The following CNTNAP4 variants were observed in gnomAD, a reference collection of about 807,000 sequenced individuals.
CNTNAP4 encodes contactin associated protein family member 4, also known as contactin-associated protein-like 4.
CNTNAP4 carries 98 observed loss-of-function variants against 148.4 expected under a neutral mutation model. The ratio of observed to expected loss-of-function variants is 0.66; its 90% CI spans 0.56 to 0.78. CNTNAP4 has a LOEUF of 0.78. CNTNAP4 is among the 30% of genes least tolerant of loss of function. The pLI is 0.00. For synonymous variants in CNTNAP4, 730 were observed against 565.1 expected, an observed-to-expected ratio of 1.29 and a Z score of -4.14; for missense variants, 1,935 against 1,565.6, an observed-to-expected ratio of 1.24 and a Z score of -3.98.
rs537053655 is a variant in CNTNAP4 at position 76,398,724 on chromosome 16, A to C, written c.391-28728A>C. 1.8e-4 allele frequency among the ~76,000 whole-genome samples: 27 copies of C among 152,184 alleles called. 1 individual carries two copies. Among genetic ancestry groups the C allele is most frequent in the Admixed American group, 1.3e-4 (2 of 15,268 alleles). On this transcript the variant is annotated intron_variant, in intron 3 of 23. Transcript: ENST00000611870. ...CACATTTGTGCCAACACATGATACTATCCAACTTTCTGATTTTGACAGCTT... is the reference window on the plus strand; with the variant it reads ...CACATTTGTGCCAACACATGATACTCTCCAACTTTCTGATTTTGACAGCTT...
intron 4 of CNTNAP4, among the ~76,000 whole-genome samples, chr16:76,433,596 A>G (rs1017750156): frequency 6.6e-6 from 1 of 152,188 alleles, no homozygotes; most frequent in South Asian, 2.1e-4. Context: ...ACAGACATTT[A>G]CCTGGGTGAG....
chr16:76,435,928 A>G (rs948293489), intron 4 of CNTNAP4, among the ~76,000 whole-genome samples: 3 of 152,096 alleles, frequency 2.0e-5, no homozygotes, highest in Admixed American at 1.3e-4. Context: ...CACCCTTAAT[A>G]TCCATTCCCA....
At chr16:76,472,971 T>A (rs2081427391) in intron 10 of CNTNAP4, among the ~76,000 whole-genome samples, 1 of 152,002 alleles carries the variant, frequency 6.6e-6, no homozygotes, top group South Asian at 2.1e-4. Flanking sequence ...AGTTAAAAAA[T>A]AAAAAGACAT....
intron 17 of CNTNAP4, among the ~76,000 whole-genome samples, chr16:76,533,594 C>T (rs991742087): frequency 5.3e-5 from 8 of 151,604 alleles, no homozygotes; most frequent in Non-Finnish European, 1.0e-4. Flanking sequence ...TAAATATGAA[C>T]AATTATTATG....
At position 76,462,010 on chromosome 16, in the gene CNTNAP4, A is replaced by G. The variant is rs1302477987; in HGVS notation, c.1388A>G (p.Asn463Ser). Reference sequence around the variant, plus strand: ...TCTGTCTCTTTATCTGCTAAAAAGAATCACTTGAGTGTGGCGGTGGACGGC... The same window carrying G: ...TCTGTCTCTTTATCTGCTAAAAAGAGTCACTTGAGTGTGGCGGTGGACGGC... ...WHSVSLSAKK[N>S]HLSVAVDGQM... The change falls in exon 9 of 24, where the codon AAT becomes AGT. Residue 463 changes from asparagine (N) to serine (S), a missense_variant. Coordinates refer to ENST00000611870, the MANE Select transcript of CNTNAP4 (RefSeq NM_033401.5). 6.2e-7 allele frequency: 1 copy of G among 1,613,858 alleles called. No individual in the cohort carries two copies. The highest frequency in any genetic ancestry group is 2.2e-5 in the East Asian group (1 of 44,868).
intron 2 of CNTNAP4, among the ~76,000 whole-genome samples, chr16:76,326,512 G>A (rs575110006): frequency 2.6e-5 from 4 of 152,142 alleles, no homozygotes; most frequent in East Asian, 3.9e-4. Context: ...TGTTTATTGC[G>A]GCACTATTCA....
chr16:76,338,047 G>A (rs889250919), intron 2 of CNTNAP4, among the ~76,000 whole-genome samples: 3 of 152,116 alleles, frequency 2.0e-5, no homozygotes, highest in Admixed American at 2.0e-4. Flanking sequence ...AGGATCCTGA[G>A]GTGACATACA....
chr16:76,471,200 GAGGGGTGGCGA>G (rs1340025910), intron 10 of CNTNAP4, among the ~76,000 whole-genome samples: 1 of 152,158 alleles, frequency 6.6e-6, no homozygotes, highest in Non-Finnish European at 1.5e-5. Flanking sequence ...GGACTTCGGA[GAGGGGTGGCGA>G]AGGGGTGAGT....
Position 76,448,189 on chromosome 16 carries a change from C to G in CNTNAP4, c.716C>G (p.Ala239Gly), listed in dbSNP as rs34947321. Residue 239 changes from alanine to glycine, a missense_variant, in exon 5 of 24, where the codon GCA becomes GGA. Ala to Gly is a moderately conservative substitution (Grantham distance 60). Transcript: ENST00000611870. The part of the protein sequence containing the change: ...GDHITLQLRR[A>G]RLFLLINSGE... ...CACATCACACTGCAATTAAGAAGAG[C>G]AAGACTCTTTTTACTTATTAATTCA... is the stretch of plus-strand genomic sequence containing the variant. 8.8e-4 allele frequency: 1,424 copies of G among 1,612,194 alleles called. 11 individuals carry two copies. In the African/African-American group the frequency reaches 0.017, roughly 19 times the overall value.
At chr16:76,288,441 G>T (rs1958977391) in intron 1 of CNTNAP4, among the ~76,000 whole-genome samples, 2 of 152,012 alleles carry the variant, frequency 1.3e-5, no homozygotes, top group African/African-American at 4.8e-5. Context: ...TGCATCTGTT[G>T]TTCCCTTTGC....
At chr16:76,492,605 C>A (rs1039952729) in intron 13 of CNTNAP4, among the ~76,000 whole-genome samples, 2 of 152,114 alleles carry the variant, frequency 1.3e-5, no homozygotes, top group African/African-American at 4.8e-5. Context: ...GTGTCAAGGG[C>A]GGGGCCAGAT....
At chr16:76,477,959 C>T (rs543442232) in intron 11 of CNTNAP4, among the ~76,000 whole-genome samples, 1 of 152,274 alleles carries the variant, frequency 6.6e-6, no homozygotes, top group South Asian at 2.1e-4. Flanking sequence ...TTATTAGGTT[C>T]TTGAAAAGAC....
chr16:76,433,495 A>G (rs2079693001), intron 4 of CNTNAP4, among the ~76,000 whole-genome samples: 2 of 152,316 alleles, frequency 1.3e-5, no homozygotes, highest in South Asian at 2.1e-4. Flanking sequence ...ATTTTTTTAC[A>G]TAATAAACTA....
At chr16:76,397,342 C>T (rs2078238489) in intron 3 of CNTNAP4, among the ~76,000 whole-genome samples, 1 of 151,722 alleles carries the variant, frequency 6.6e-6, no homozygotes, top group Non-Finnish European at 1.5e-5. Context: ...CCCCGAGCTA[C>T]CAATGTCAGG....
At chr16:76,428,480 G>A (rs920376059) in intron 4 of CNTNAP4, among the ~76,000 whole-genome samples, 5 of 150,636 alleles carry the variant, frequency 3.3e-5, no homozygotes, top group South Asian at 2.1e-4. Context: ...TCATACATAC[G>A]CTGTCACTTT....
intron 21 of CNTNAP4, among the ~76,000 whole-genome samples, chr16:76,551,220 G>T (rs1597142012): frequency 6.6e-6 from 1 of 151,950 alleles, no homozygotes; most frequent in East Asian, 1.9e-4. Flanking sequence ...AGACCAGCCT[G>T]GCCAACATGG....
chr16:76,538,029 A>T, intron 18 of CNTNAP4, 87 bp from the exon 19 acceptor site: 1 of 562,870 alleles, frequency 1.8e-6, no homozygotes, highest in Non-Finnish European at 2.7e-6. Flanking sequence ...GCAATTCATT[A>T]AAGAAACTAA....
chr16:76,308,092 C>G (rs367709444), intron 1 of CNTNAP4, among the ~76,000 whole-genome samples: 1 of 150,612 alleles, frequency 6.6e-6, no homozygotes, highest in Admixed American at 6.7e-5. Flanking sequence ...GGAAAACATA[C>G]TGATAGTTAC....
intron 4 of CNTNAP4, among the ~76,000 whole-genome samples, chr16:76,446,425 T>C (rs1338668389): frequency 3.3e-5 from 5 of 152,172 alleles, no homozygotes; most frequent in African/African-American, 1.2e-4. Flanking sequence ...GACAATACCG[T>C]CAGGATTTCC....
Sources: gnomAD v4.1 joint callset for allele counts (sites outside exome capture counted in the v4.1 genomes callset) on GRCh38, gnomAD v4.1.1 for gene constraint, MANE v1.5 for transcripts, NCBI Gene and HGNC (gene_info 2026-07-23, HGNC 2026-07-21) for gene names.